The following C12orf75 variants were observed in gnomAD, a reference collection of about 807,000 sequenced individuals.
The protein encoded by C12orf75 is overexpressed in colon carcinoma 1 protein.
In C12orf75, 4 loss-of-function variants were observed where a neutral mutation model predicts 11.4. The ratio of observed to expected loss-of-function variants is 0.35; its 90% CI spans 0.17 to 0.80. The LOEUF (loss-of-function observed/expected upper bound fraction) is 0.80, where lower values mean the gene tolerates loss of function less well. Ranked by LOEUF, C12orf75 falls within the 30% of genes least tolerant of loss-of-function variation. The pLI, the probability that C12orf75 is intolerant of heterozygous loss-of-function variation, is 0.52. For missense variants in C12orf75, 89 were observed against 80.4 expected, an observed-to-expected ratio of 1.11 and a Z score of -0.41; for synonymous variants, 30 against 30.0, an observed-to-expected ratio of 1.00 and a Z score of 0.00.
At chr12:105,357,830 G>GGA (rs1391679266) in intron 2 of C12orf75, among the ~76,000 whole-genome samples, 33 of 148,198 alleles carry the variant, frequency 2.2e-4, no homozygotes, top group East Asian at 1.8e-3. Context: ...GAGAGAGAGA[G>GGA]GAGAGAGAGA....
intron 2 of C12orf75, among the ~76,000 whole-genome samples, chr12:105,362,660 C>A (rs1437929034): frequency 1.7e-5 from 2 of 116,286 alleles, no homozygotes; most frequent in Non-Finnish European, 3.3e-5. Flanking sequence ...GAGCAAGACT[C>A]CGTCTCAAAA....
At position 105,357,076 on chromosome 12, in the gene C12orf75, A is replaced by G. The variant is rs571307144; in HGVS notation, c.71+8450A>G. On this transcript the variant is annotated intron_variant, in intron 2 of 5. Transcript: ENST00000443585. Reference sequence around the variant, plus strand: ...AGCCCACCTTCCAGAACCCCGACCTACAAGAAGACAGAGCTTATTTATGAT... The same window carrying G: ...AGCCCACCTTCCAGAACCCCGACCTGCAAGAAGACAGAGCTTATTTATGAT... Among the ~76,000 whole-genome samples, 10 of 152,342 alleles carry G rather than the reference A, an allele frequency of 6.6e-5. No individual in the cohort carries two copies. In the South Asian group the frequency reaches 2.1e-3, roughly 32 times the overall value.
intron 2 of C12orf75, among the ~76,000 whole-genome samples, chr12:105,361,039 G>A (rs1042167554): frequency 6.6e-6 from 1 of 152,142 alleles, no homozygotes; most frequent in East Asian, 1.9e-4. Flanking sequence ...GCCTTCCAAA[G>A]TGTTGGGATT....
At chr12:105,368,284 T>A (rs1011198333) in intron 5 of C12orf75, among the ~76,000 whole-genome samples, 2 of 152,202 alleles carry the variant, frequency 1.3e-5, no homozygotes, top group Non-Finnish European at 2.9e-5. Context: ...CTCTCCACTG[T>A]ATTTCACTCC....
At chr12:105,340,349 T>A (rs1351213480) in intron 1 of C12orf75, among the ~76,000 whole-genome samples, 1 of 144,520 alleles carries the variant, frequency 6.9e-6, no homozygotes, top group Non-Finnish European at 1.5e-5. Flanking sequence ...CGCTTCGACC[T>A]GGGAGGCGGA....
At chr12:105,353,819 C>T (rs1009624413) in intron 2 of C12orf75, among the ~76,000 whole-genome samples, 2 of 152,128 alleles carry the variant, frequency 1.3e-5, no homozygotes, top group African/African-American at 2.4e-5. Context: ...TCAAATACTT[C>T]TTTCACTTAA....
At chr12:105,331,088 G>A (rs1461768752) in intron 1 of C12orf75, among the ~76,000 whole-genome samples, 151 bp downstream of exon 1, 1 of 151,892 alleles carries the variant, frequency 6.6e-6, no homozygotes, top group Admixed American at 6.5e-5. Context: ...TGGAAAGACC[G>A]AAAGCGTGGC....
chr12:105,370,628 C>T lies in C12orf75; in HGVS notation c.*34-6C>T, dbSNP rs1034615631. 8.7e-6 allele frequency: 4 copies of T among 457,496 alleles called. No individual in the cohort carries two copies. Among genetic ancestry groups the T allele is most frequent in the African/African-American group, 8.0e-5 (4 of 50,052 alleles). 28.3% of individuals were successfully genotyped at this position (457,496 alleles called of 1,614,324 possible). ...ACTCTTTTCTCCTCTTCTGTTGTCTCCTTAGCTTGCTCATCAGTTTGGAAG... is the reference window on the plus strand; with the variant it reads ...ACTCTTTTCTCCTCTTCTGTTGTCTTCTTAGCTTGCTCATCAGTTTGGAAG... On this transcript the variant is annotated splice_polypyrimidine_tract_variant and splice_region_variant and intron_variant, in intron 5 of 5. Coordinates refer to ENST00000443585, the MANE Select transcript of C12orf75 (RefSeq NM_001145199.2).
chr12:105,335,514 TTC>T (rs1892489964), intron 1 of C12orf75, among the ~76,000 whole-genome samples: 1 of 152,258 alleles, frequency 6.6e-6, no homozygotes, highest in African/African-American at 2.4e-5. Context: ...CATTCTTGTT[TTC>T]TCTCTGTGGG....
chr12:105,333,021 C>T (rs1198150813), intron 1 of C12orf75, among the ~76,000 whole-genome samples: 2 of 151,704 alleles, frequency 1.3e-5, no homozygotes, highest in African/African-American at 2.4e-5. Flanking sequence ...GCTATTCTCT[C>T]CTCCAGCTTG....
At chr12:105,363,237 A>G (rs907638282) in intron 2 of C12orf75, among the ~76,000 whole-genome samples, 2 of 152,258 alleles carry the variant, frequency 1.3e-5, no homozygotes, top group African/African-American at 4.8e-5. Context: ...AATAGCATGG[A>G]TGCACGTGCA....
intron 1 of C12orf75, among the ~76,000 whole-genome samples, chr12:105,332,242 G>A (rs530980988): frequency 1.3e-5 from 2 of 152,064 alleles, no homozygotes; most frequent in African/African-American, 4.8e-5. Context: ...TACTGTGGCC[G>A]TATGCAATCC....
intron 5 of C12orf75, among the ~76,000 whole-genome samples, chr12:105,370,209 T>C (rs1050302029): frequency 6.6e-6 from 1 of 152,176 alleles, no homozygotes; most frequent in Non-Finnish European, 1.5e-5. Flanking sequence ...GGTGCTCAGA[T>C]GACAATGGAT....
chr12:105,365,662 A>C, intron 2 of C12orf75, 145 bp from the exon 3 acceptor site: 1 of 642,134 alleles, frequency 1.6e-6, no homozygotes, highest in East Asian at 2.8e-5. Flanking sequence ...CACTTGATGG[A>C]TAGTTTTGCT....
chr12:105,366,040 T>C, intron 3 of C12orf75, 198 bp downstream of exon 3: 2 of 609,146 alleles, frequency 3.3e-6, no homozygotes, highest in South Asian at 4.1e-5. Context: ...GCAAACTTGG[T>C]TTTTGTCCTA....
chr12:105,338,203 C>T (rs1892519956), intron 1 of C12orf75, among the ~76,000 whole-genome samples: 1 of 152,148 alleles, frequency 6.6e-6, no homozygotes, highest in Non-Finnish European at 1.5e-5. Context: ...GAGATGGAGT[C>T]TTGCTCTGTC....
intron 1 of C12orf75, among the ~76,000 whole-genome samples, chr12:105,331,192 C>T (rs1892417537): frequency 1.3e-5 from 2 of 151,938 alleles, no homozygotes; most frequent in Non-Finnish European, 2.9e-5. Flanking sequence ...GCGGGCTCCC[C>T]TGCAGCCGCC....
intron 1 of C12orf75, among the ~76,000 whole-genome samples, chr12:105,343,221 T>C (rs1892594784): frequency 6.6e-6 from 1 of 152,230 alleles, no homozygotes; most frequent in African/African-American, 2.4e-5. Flanking sequence ...CTATATTTTT[T>C]GGTGTGTTTT....
chr12:105,347,361 G>T (rs71468249), intron 1 of C12orf75, among the ~76,000 whole-genome samples: 1,632 of 152,322 alleles, frequency 0.011, 10 homozygotes, highest in South Asian at 0.036. Flanking sequence ...CAAGCTGAGG[G>T]GCAAGGAAGC....
Sources: allele counts gnomAD v4.1 joint callset (sites outside exome capture counted in the v4.1 genomes callset), GRCh38; gene constraint gnomAD v4.1.1; transcripts MANE v1.5; gene names NCBI Gene and HGNC (gene_info 2026-07-23, HGNC 2026-07-21).